The following GABRB2 variants were observed in gnomAD, a reference collection of about 807,000 sequenced individuals.
The protein encoded by GABRB2 is gamma-aminobutyric acid type A receptor subunit beta2, also known as gamma-aminobutyric acid receptor subunit beta-2.
In GABRB2, 16 loss-of-function variants were observed where a neutral mutation model predicts 54.7. That is an observed-to-expected ratio of 0.29 (90% confidence interval 0.20 to 0.44). GABRB2 has a LOEUF of 0.44. Among genes scored for constraint, GABRB2 ranks in the 20% least tolerant of loss-of-function variants. The pLI is 1.00. For synonymous variants in GABRB2, 244 were observed against 233.8 expected, an observed-to-expected ratio of 1.04 and a Z score of -0.40; for missense variants, 355 against 644.0, an observed-to-expected ratio of 0.55 and a Z score of 4.86.
chr5:161,517,048 A>C (rs1158631182), intron 3 of GABRB2, among the ~76,000 whole-genome samples: 1 of 152,124 alleles, frequency 6.6e-6, no homozygotes, highest in Non-Finnish European at 1.5e-5. Context: ...CTGCTCTGTG[A>C]CTAAGTTTTG....
intron 9 of GABRB2, among the ~76,000 whole-genome samples, chr5:161,317,397 T>C (rs567069490): frequency 6.6e-6 from 1 of 152,282 alleles, no homozygotes; most frequent in South Asian, 2.1e-4. Flanking sequence ...ACTCTCCAAA[T>C]GTAACCACTG....
intron 3 of GABRB2, among the ~76,000 whole-genome samples, chr5:161,469,279 T>C (rs1758367185): frequency 6.6e-6 from 1 of 151,900 alleles, no homozygotes; most frequent in Admixed American, 6.6e-5. Context: ...TTTCAGAGGT[T>C]GGTATGAAGA....
chr5:161,508,067 T>C (rs1454122034), intron 3 of GABRB2, among the ~76,000 whole-genome samples: 1 of 151,918 alleles, frequency 6.6e-6, no homozygotes, highest in Non-Finnish European at 1.5e-5. Flanking sequence ...TCAAGTACTG[T>C]TTAAATATAA....
intron 5 of GABRB2, among the ~76,000 whole-genome samples, chr5:161,343,397 G>T (rs565981556): frequency 6.6e-6 from 1 of 151,802 alleles, no homozygotes; most frequent in African/African-American, 2.4e-5. Context: ...TCAGTTTTTT[G>T]AATTCAAATC....
At chr5:161,477,673 T>C (rs1169120049) in intron 3 of GABRB2, among the ~76,000 whole-genome samples, 1 of 151,880 alleles carries the variant, frequency 6.6e-6, no homozygotes, top group Non-Finnish European at 1.5e-5. Context: ...GGATGAACAT[T>C]GACAACATTA....
chr5:161,322,899 T>G (rs2113383528), intron 9 of GABRB2, among the ~76,000 whole-genome samples: 1 of 152,278 alleles, frequency 6.6e-6, no homozygotes, highest in Middle Eastern at 3.4e-3. Context: ...TGATTTTTGG[T>G]TTCACATATT....
At chr5:161,546,877 T>C (rs1761004808), upstream of GABRB2, 12 of 823,644 alleles carry the variant, frequency 1.5e-5, 1 homozygote, top group Non-Finnish European at 2.0e-5. Flanking sequence ...TTGAATAATA[T>C]AGAAAAGTCA....
At chr5:161,491,637 A>G (rs985077919) in intron 3 of GABRB2, among the ~76,000 whole-genome samples, 7 of 151,516 alleles carry the variant, frequency 4.6e-5, no homozygotes, top group African/African-American at 1.7e-4. Flanking sequence ...AGTGGGAAGC[A>G]CCCCATTCAG....
At chr5:161,345,152 C>G (rs529694754) in intron 5 of GABRB2, among the ~76,000 whole-genome samples, 1 of 152,074 alleles carries the variant, frequency 6.6e-6, no homozygotes, top group African/African-American at 2.4e-5. Context: ...TCTAACAAAT[C>G]TGCATGTTCT....
intron 3 of GABRB2, among the ~76,000 whole-genome samples, chr5:161,537,116 A>G (rs1007016456): frequency 6.6e-6 from 1 of 152,184 alleles, no homozygotes; most frequent in Admixed American, 6.5e-5. Context: ...GTTTTAAGAC[A>G]TGATTATCTG....
chr5:161,430,646 G>A (rs1757147474), intron 4 of GABRB2, among the ~76,000 whole-genome samples: 1 of 152,138 alleles, frequency 6.6e-6, no homozygotes, highest in East Asian at 1.9e-4. Context: ...TTGACTGACA[G>A]GGTCATGAAA....
chr5:161,424,766 G>A (rs1275826110), intron 4 of GABRB2, among the ~76,000 whole-genome samples: 3 of 152,116 alleles, frequency 2.0e-5, no homozygotes, highest in Non-Finnish European at 4.4e-5. Flanking sequence ...CATTTCATAA[G>A]GTTATTGCTG....
At chr5:161,332,136 C>A (rs375794271) in intron 7 of GABRB2, among the ~76,000 whole-genome samples, 234 of 141,684 alleles carry the variant, frequency 1.7e-3, no homozygotes, top group South Asian at 6.7e-3. Context: ...ACTGCACTCC[C>A]GCCTGGGCCA....
intron 3 of GABRB2, among the ~76,000 whole-genome samples, chr5:161,477,284 C>CAAAAAAAAAAAAAAAAAAAAA (rs70990786): frequency 7.8e-6 from 1 of 127,850 alleles, no homozygotes; most frequent in Non-Finnish European, 1.7e-5. Flanking sequence ...CAAACAAAAG[C>CAAAAAAAAAAAAAAAAAAAAA]AAAAAAAAAA....
At chr5:161,459,494 G>T in intron 4 of GABRB2, 130 bp downstream of exon 4, 1 of 764,790 alleles carries the variant, frequency 1.3e-6, no homozygotes, top group Non-Finnish European at 2.2e-6. Flanking sequence ...ATGTCTAGTG[G>T]ATAGGAGGCT....
At chr5:161,415,153 C>A (rs1756628616) in intron 4 of GABRB2, among the ~76,000 whole-genome samples, 1 of 152,110 alleles carries the variant, frequency 6.6e-6, no homozygotes. Context: ...ATGCAGGTAT[C>A]CTGATTAATT....
chr5:161,510,688 T>A (rs1340963083), intron 3 of GABRB2, among the ~76,000 whole-genome samples: 2 of 151,968 alleles, frequency 1.3e-5, no homozygotes, highest in African/African-American at 4.8e-5. Context: ...CAGGCTGTAG[T>A]GCAATGGCAT....
chr5:161,424,081 TG>T (rs1321713176), intron 4 of GABRB2, among the ~76,000 whole-genome samples: 5 of 152,126 alleles, frequency 3.3e-5, no homozygotes, highest in Non-Finnish European at 7.4e-5. Flanking sequence ...GAAGGCAAGT[TG>T]GAAGCTAGCA....
At chr5:161,353,636 G>C (rs573536211) in intron 5 of GABRB2, among the ~76,000 whole-genome samples, 1 of 152,086 alleles carries the variant, frequency 6.6e-6, no homozygotes, top group Non-Finnish European at 1.5e-5. Context: ...TCTAAGACAA[G>C]TTGCCTAAAT....
Sources: allele counts gnomAD v4.1 joint callset (sites outside exome capture counted in the v4.1 genomes callset), GRCh38; gene constraint gnomAD v4.1.1; transcripts MANE v1.5; gene names NCBI Gene and HGNC (gene_info 2026-07-23, HGNC 2026-07-21).